The following KAZN variants were observed in gnomAD, a reference collection of about 807,000 sequenced individuals.
KAZN encodes the protein kazrin.
Under a neutral mutation model 87.4 loss-of-function variants are expected in KAZN, and 40 were observed. That is an observed-to-expected ratio of 0.46 (90% CI 0.36 to 0.60). The LOEUF is 0.60. KAZN is among the 20% of genes least tolerant of loss of function. The pLI is 0.00. For synonymous variants in KAZN, 466 were observed against 458.3 expected, an observed-to-expected ratio of 1.02 and a Z score of -0.22; for missense variants, 898 against 1,073.9, an observed-to-expected ratio of 0.84 and a Z score of 2.29.
intron 1 of KAZN, among the ~76,000 whole-genome samples, chr1:14,130,203 G>A (rs183456634): frequency 1.3e-5 from 2 of 151,870 alleles, no homozygotes; most frequent in African/African-American, 2.4e-5. Flanking sequence ...TTTCATTTAT[G>A]TAGCTCTGAG....
intron 1 of KAZN, among the ~76,000 whole-genome samples, chr1:14,888,135 C>T (rs528619615): frequency 6.6e-6 from 1 of 152,316 alleles, no homozygotes; most frequent in Non-Finnish European, 1.5e-5. Flanking sequence ...CTGTCATCCT[C>T]CAGCCCGGGC....
intron 1 of KAZN, among the ~76,000 whole-genome samples, chr1:14,855,503 G>T (rs1649990693): frequency 6.6e-6 from 1 of 152,188 alleles, no homozygotes; most frequent in Non-Finnish European, 1.5e-5. Flanking sequence ...TGGAGCACAA[G>T]TGACCAAATG....
rs1332403641 is a variant in KAZN at position 14,340,447 on chromosome 1, C to G, written c.249+159855C>G. Among the ~76,000 whole-genome samples, 30 of 152,222 alleles carry G rather than the reference C, an allele frequency of 2.0e-4. 1 individual carries two copies. Among genetic ancestry groups the G allele is most frequent in the Admixed American group, 1.9e-3 (29 of 15,284 alleles). ...AGATTGACGTCACAGACTTGGAAAT[C>G]ACAACAATTTGGGTGTAACCCCCAG... is the stretch of plus-strand genomic sequence containing the variant. On this transcript the variant is annotated intron_variant, in intron 2 of 16. Coordinates refer to the KAZN transcript ENST00000636203.
intron 2 of KAZN, among the ~76,000 whole-genome samples, chr1:14,482,914 T>C (rs1669158590): frequency 2.0e-5 from 3 of 152,322 alleles, no homozygotes; most frequent in Admixed American, 1.3e-4. Flanking sequence ...TGGGCAAGTA[T>C]CCTTAGGTAA....
chr1:14,239,905 A>G (rs1421627161), intron 2 of KAZN, among the ~76,000 whole-genome samples: 1 of 152,080 alleles, frequency 6.6e-6, no homozygotes, highest in Non-Finnish European at 1.5e-5. Flanking sequence ...TGACATTGCT[A>G]AGTGTGATAC....
chr1:15,112,779 G>A (rs1460723828), intron 14 of KAZN: 1 of 443,722 alleles, frequency 2.3e-6, no homozygotes, highest in Non-Finnish European at 4.1e-6. Context: ...TCAAAGTGCA[G>A]GTCTCACCTG....
At chr1:15,100,098 C>A (rs513114) in intron 10 of KAZN, among the ~76,000 whole-genome samples, 79,001 of 151,968 alleles carry the variant, frequency 0.52, 21,526 homozygotes, top group African/African-American at 0.68. Context: ...CAGAGCTTAG[C>A]TGCTCAGAAG....
chr1:14,945,968 C>A (rs570192535), intron 1 of KAZN: 228 of 968,256 alleles, frequency 2.4e-4, no homozygotes, highest in Non-Finnish European at 2.6e-4. Context: ...GGGTGCCAGG[C>A]CGCTTGCTGG....
intron 2 of KAZN, among the ~76,000 whole-genome samples, chr1:14,971,681 C>CT (rs1009399616): frequency 0.016 from 1,712 of 104,762 alleles, 11 homozygotes; most frequent in East Asian, 0.027. Flanking sequence ...TTTTCTTTTT[C>CT]TTTTTTTTTT....
intron 1 of KAZN, among the ~76,000 whole-genome samples, chr1:14,106,264 C>T (rs565911285): frequency 9.2e-5 from 14 of 152,316 alleles, no homozygotes; most frequent in Admixed American, 5.2e-4. Flanking sequence ...TTTTTCCTTG[C>T]AGAGGAAACA....
chr1:14,918,707 A>AATATATAT lies in KAZN; in HGVS notation c.227-41942_227-41935dup, dbSNP rs201058383. 7.4e-3 allele frequency among the ~76,000 whole-genome samples: 182 copies of AATATATAT among 24,490 alleles called. 1 individual carries two copies. The highest frequency in any genetic ancestry group is 9.7e-3 in the Non-Finnish European group (138 of 14,262). The allele number at this position is 24,490 out of a possible 152,430, so 16.1% of individuals were successfully genotyped here. A position where few individuals can be genotyped will look rare whatever the true frequency, so the allele number is the denominator to read the frequency against. Reference sequence around the variant, plus strand: ...AAAAAAAAAAAAAAAAAAAAAAAAAAATATATATATATATATATATATATA... The same window carrying AATATATAT: ...AAAAAAAAAAAAAAAAAAAAAAAAAAATATATATATATATATATATATATATATATATA... On this transcript the variant is annotated intron_variant, in intron 1 of 14. Transcript: ENST00000376030.
intron 2 of KAZN, among the ~76,000 whole-genome samples, chr1:14,441,035 C>G (rs1666669500): frequency 6.6e-6 from 1 of 152,088 alleles, no homozygotes. Flanking sequence ...GATGTCATGG[C>G]CTGTTTGCTT....
chr1:14,650,058 T>G (rs995915795), intron 1 of KAZN, among the ~76,000 whole-genome samples: 7 of 97,958 alleles, frequency 7.1e-5, no homozygotes, highest in Middle Eastern at 5.9e-3. Flanking sequence ...TTTTTTTTTT[T>G]GCTGATAAGG....
At chr1:14,511,694 G>T (rs973360262) in intron 2 of KAZN, among the ~76,000 whole-genome samples, 10 of 152,160 alleles carry the variant, frequency 6.6e-5, no homozygotes, top group African/African-American at 2.4e-4. Flanking sequence ...ACCATGTCAG[G>T]CTAAGGGACT....
At chr1:14,496,463 T>G (rs531887041) in intron 2 of KAZN, among the ~76,000 whole-genome samples, 3 of 152,322 alleles carry the variant, frequency 2.0e-5, no homozygotes, top group African/African-American at 7.2e-5. Flanking sequence ...AGAGATTTGA[T>G]TTAATCCTTG....
intron 1 of KAZN, among the ~76,000 whole-genome samples, chr1:14,679,660 C>T (rs981601081): frequency 1.3e-5 from 2 of 152,084 alleles, no homozygotes; most frequent in African/African-American, 2.4e-5. Flanking sequence ...TTGTATTGAC[C>T]TTTTAAATCC....
At chr1:14,095,040 G>A (rs554010785) in intron 1 of KAZN, among the ~76,000 whole-genome samples, 1 of 152,246 alleles carries the variant, frequency 6.6e-6, no homozygotes, top group East Asian at 1.9e-4. Context: ...TTCCCAACAG[G>A]TATCTAAGAA....
chr1:14,043,206 C>T (rs991001153), intron 1 of KAZN, among the ~76,000 whole-genome samples: 3 of 152,158 alleles, frequency 2.0e-5, no homozygotes, highest in Non-Finnish European at 4.4e-5. Context: ...CTTAACATAA[C>T]GTCTTTAAGG....
chr1:14,143,034 G>T (rs1242938813), intron 1 of KAZN, among the ~76,000 whole-genome samples: 1 of 152,130 alleles, frequency 6.6e-6, no homozygotes, highest in Non-Finnish European at 1.5e-5. Flanking sequence ...CGGGGATGGA[G>T]CAGCTGGAGG....
Sources: allele counts gnomAD v4.1 joint callset (sites outside exome capture counted in the v4.1 genomes callset), GRCh38; gene constraint gnomAD v4.1.1; transcripts MANE v1.5; gene names NCBI Gene and HGNC (gene_info 2026-07-23, HGNC 2026-07-21).